The following RABGAP1L variants were observed in gnomAD, a reference collection of about 807,000 sequenced individuals.
The protein encoded by RABGAP1L is rab GTPase-activating protein 1-like.
Under a neutral mutation model 137.7 loss-of-function variants are expected in RABGAP1L, and 63 were observed. The ratio of observed to expected loss-of-function variants is 0.46; its 90% CI spans 0.37 to 0.56. RABGAP1L has a LOEUF of 0.56. Among genes scored for constraint, RABGAP1L ranks in the 20% least tolerant of loss-of-function variants. The pLI, the probability that RABGAP1L is intolerant of heterozygous loss-of-function variation, is 0.00. For missense variants in RABGAP1L, 1,095 were observed against 1,244.0 expected (o/e 0.88, Z 1.80); for synonymous variants, 431 against 433.7 (o/e 0.99, Z 0.08).
chr1:174,367,914 T>G (rs1684789155), intron 11 of RABGAP1L: 1 of 154,076 alleles, frequency 6.5e-6, no homozygotes, highest in Non-Finnish European at 1.5e-5. Context: ...TTTCCTTTCT[T>G]TCAATTCAGT....
intron 19 of RABGAP1L, among the ~76,000 whole-genome samples, chr1:174,882,201 G>A (rs1299168442): frequency 2.0e-5 from 3 of 152,092 alleles, no homozygotes; most frequent in Non-Finnish European, 4.4e-5. Flanking sequence ...TCCTCCTTAG[G>A]TTTGGGTTCA....
At chr1:174,247,917 C>T (rs1421017275) in intron 5 of RABGAP1L, among the ~76,000 whole-genome samples, 1 of 152,060 alleles carries the variant, frequency 6.6e-6, no homozygotes, top group Non-Finnish European at 1.5e-5. Context: ...TGTTTCTTGC[C>T]TATTAAACTC....
intron 13 of RABGAP1L, among the ~76,000 whole-genome samples, chr1:174,637,030 G>A (rs1307367083): frequency 1.3e-5 from 2 of 152,190 alleles, no homozygotes; most frequent in African/African-American, 4.8e-5. Context: ...ATATGTACAT[G>A]TCTTGATAAG....
At chr1:174,237,019 T>C (rs1331951193) in intron 4 of RABGAP1L, among the ~76,000 whole-genome samples, 2 of 128,464 alleles carry the variant, frequency 1.6e-5, no homozygotes, top group East Asian at 2.2e-4. Context: ...TTTACCATTA[T>C]GTAATGGCCT....
chr1:174,990,009 C>T lies in RABGAP1L; in HGVS notation c.*8C>T. 1 of 1,529,930 alleles carries T rather than the reference C, an allele frequency of 6.5e-7. No individual in the cohort carries two copies. Among genetic ancestry groups the T allele is most frequent in the Non-Finnish European group, 8.9e-7 (1 of 1,128,360 alleles). The allele number at this position is 1,529,930 out of a possible 1,614,324, so 94.8% of individuals were successfully genotyped here. A position where few individuals can be genotyped will look rare whatever the true frequency, so the allele number is the denominator to read the frequency against. On this transcript the variant is annotated 3_prime_UTR_variant, in exon 26 of 26. Transcript: ENST00000681986. ...CCCAAGGAGAGCACATAGTTCCAGC[C>T]TTACCCAAGCACAAGAGCACAATGT...
rs565490205 is a variant in RABGAP1L, at chr1:174,542,968, A to T, written c.1711-94407A>T. ...ACTGTGGTCTGGGAGACAGTTTGTT[A>T]TAATTTCTGTTCTTTAACATTTGCA... On this transcript the variant is annotated intron_variant, in intron 13 of 25. Transcript: ENST00000681986. 5.4e-4 allele frequency among the ~76,000 whole-genome samples: 82 copies of T among 152,270 alleles called. No individual in the cohort carries two copies. In the South Asian group the frequency reaches 0.013, roughly 24 times the overall value.
intron 13 of RABGAP1L, among the ~76,000 whole-genome samples, chr1:174,612,031 A>G (rs1005624230): frequency 6.6e-6 from 1 of 152,130 alleles, no homozygotes; most frequent in Non-Finnish European, 1.5e-5. Flanking sequence ...TCTTTTCCTA[A>G]TTGAATACCC....
intron 11 of RABGAP1L, among the ~76,000 whole-genome samples, chr1:174,353,441 T>C (rs1457590929): frequency 6.6e-6 from 1 of 152,048 alleles, no homozygotes; most frequent in Non-Finnish European, 1.5e-5. Context: ...CATGTCTCCT[T>C]GCTCCAAGCC....
chr1:174,234,023 T>C (rs1217665554), intron 4 of RABGAP1L, among the ~76,000 whole-genome samples: 1 of 137,944 alleles, frequency 7.2e-6, no homozygotes, highest in Non-Finnish European at 1.5e-5. Flanking sequence ...CCAGTGATGA[T>C]GAGCATTTTT....
At position 174,455,502 on chromosome 1, in the gene RABGAP1L, G is replaced by A. The variant is rs144518755; in HGVS notation, c.1710+61357G>A. Among the ~76,000 whole-genome samples, 1,335 of 152,098 alleles carry A rather than the reference G, an allele frequency of 8.8e-3. 6 individuals carry two copies. The highest frequency in any genetic ancestry group is 0.014 in the Non-Finnish European group (967 of 67,936). ...TAAATTTATTTTTGAATAAAATGTGGACTGTAGCAAGAGATGTGCAGTAAT... is the reference window on the plus strand; with the variant it reads ...TAAATTTATTTTTGAATAAAATGTGAACTGTAGCAAGAGATGTGCAGTAAT... On this transcript the variant is annotated intron_variant, in intron 13 of 25. Coordinates refer to ENST00000681986, the MANE Select transcript of RABGAP1L (RefSeq NM_001366446.1).
chr1:174,262,073 A>G (rs1673623072), intron 7 of RABGAP1L, among the ~76,000 whole-genome samples: 1 of 152,192 alleles, frequency 6.6e-6, no homozygotes, highest in South Asian at 2.1e-4. Context: ...GAAAACAGGT[A>G]TTACTTACTT....
chr1:174,734,547 C>G (rs1682772900), intron 17 of RABGAP1L, among the ~76,000 whole-genome samples: 1 of 152,150 alleles, frequency 6.6e-6, no homozygotes, highest in Non-Finnish European at 1.5e-5. Flanking sequence ...AGAACCAGAA[C>G]TCAATTAGGA....
At chr1:174,349,098 C>CG (rs1682766474) in intron 11 of RABGAP1L, among the ~76,000 whole-genome samples, 1 of 122,800 alleles carries the variant, frequency 8.1e-6, no homozygotes, top group Admixed American at 7.9e-5. Context: ...GCTGGCCGGG[C>CG]GGGGGGCTGA....
intron 20 of RABGAP1L, among the ~76,000 whole-genome samples, chr1:174,967,167 CT>C (rs538764662): frequency 3.9e-3 from 551 of 139,526 alleles, no homozygotes; most frequent in Non-Finnish European, 4.5e-3. Flanking sequence ...TTCTTTCTTT[CT>C]TTTTTTTTTT....
intron 11 of RABGAP1L, among the ~76,000 whole-genome samples, chr1:174,361,611 T>G (rs1684151068): frequency 6.6e-6 from 1 of 152,170 alleles, no homozygotes; most frequent in African/African-American, 2.4e-5. Context: ...GAAATGCTAC[T>G]GATTTTTGTA....
At chr1:174,494,906 A>G (rs910855754) in intron 13 of RABGAP1L, among the ~76,000 whole-genome samples, 3 of 152,202 alleles carry the variant, frequency 2.0e-5, no homozygotes, top group African/African-American at 7.2e-5. Flanking sequence ...CATCAAGTCG[A>G]TAAGTCTTTG....
intron 13 of RABGAP1L, among the ~76,000 whole-genome samples, chr1:174,417,313 A>G (rs1386355556): frequency 6.6e-6 from 1 of 152,178 alleles, no homozygotes; most frequent in Non-Finnish European, 1.5e-5. Flanking sequence ...TAGTATTTCA[A>G]ATCAGTTATA....
intron 5 of RABGAP1L, among the ~76,000 whole-genome samples, chr1:174,246,729 G>C (rs1017107255): frequency 9.9e-5 from 15 of 152,152 alleles, no homozygotes; most frequent in Non-Finnish European, 2.1e-4. Context: ...TATGCATTTT[G>C]GTATCTGGGA....
chr1:174,295,148 A>T (rs1364847967), intron 10 of RABGAP1L, among the ~76,000 whole-genome samples: 1 of 149,978 alleles, frequency 6.7e-6, no homozygotes, highest in Non-Finnish European at 1.5e-5. Flanking sequence ...CGATGTCCTG[A>T]CCTCATGATC....
Sources: allele counts gnomAD v4.1 joint callset (sites outside exome capture counted in the v4.1 genomes callset), GRCh38; gene constraint gnomAD v4.1.1; transcripts MANE v1.5; gene names NCBI Gene and HGNC (gene_info 2026-07-23, HGNC 2026-07-21).